The following TLN2 variants were observed in gnomAD, a reference collection of about 807,000 sequenced individuals.
TLN2 encodes talin-2.
TLN2 carries 118 observed loss-of-function variants against 294.7 expected under a neutral mutation model. The ratio of observed to expected loss-of-function variants is 0.40; its 90% CI spans 0.34 to 0.47. The LOEUF (loss-of-function observed/expected upper bound fraction) is 0.47. TLN2 is among the 20% of genes least tolerant of loss of function. The probability of loss-of-function intolerance (pLI) is 0.84; values close to 1 mark genes in which losing one functional copy is unlikely to be tolerated. For missense variants in TLN2, 3,083 were observed against 3,282.2 expected (o/e 0.94, Z 1.48); for synonymous variants, 1,431 against 1,304.5 (o/e 1.10, Z -2.09).
At chr15:62,547,543 G>A (rs935141270) in intron 1 of TLN2, among the ~76,000 whole-genome samples, 17 of 152,162 alleles carry the variant, frequency 1.1e-4, no homozygotes, top group Non-Finnish European at 2.1e-4. Context: ...AGAGTGCTCC[G>A]AAGGTATCTG....
rs142666961 is a variant in TLN2 at position 62,412,836 on chromosome 15, T to G, written c.-238+22151T>G. ...GGCTTGAAATAAGCGTCCGTGCACA[T>G]TTCTGAAAAGACAATTAGAAGCTTA... On this transcript the variant is annotated intron_variant, in intron 1 of 58. Transcript: ENST00000636159. 9.8e-5 allele frequency among the ~76,000 whole-genome samples: 15 copies of G among 152,330 alleles called. No homozygotes were observed. The East Asian group carries it at 2.9e-3, about 29-fold the overall frequency.
intron 52 of TLN2, among the ~76,000 whole-genome samples, chr15:62,817,157 A>C (rs926810870): frequency 6.6e-6 from 1 of 152,206 alleles, no homozygotes; most frequent in Admixed American, 6.5e-5. Flanking sequence ...ACCTATGCCT[A>C]ACTAAATTGC....
chr15:62,708,619 A>G lies in TLN2; in HGVS notation c.2290A>G (p.Ser764Gly), dbSNP rs1447975469. Residue 764 changes from serine (S) to glycine (G), a missense_variant, in exon 21 of 59, where the codon AGT becomes GGT. Physicochemically the swap from Ser to Gly is moderately conservative, Grantham distance 56. Coordinates refer to ENST00000636159, the MANE Select transcript of TLN2 (RefSeq NM_015059.3). ...TGCCTGCCAGGCGGCCACTACCGAT[A>G]GTGAGCTCCTGAAGCAGGTCAGCGC... is the stretch of plus-strand genomic sequence containing the variant. ...VRACQAATTD[S>G]ELLKQVSAAA... 3 of 1,614,186 alleles carry G rather than the reference A, an allele frequency of 1.9e-6. No individual in the cohort carries two copies. In the South Asian group the frequency reaches 3.3e-5, roughly 18 times the overall value.
chr15:62,642,468 G>A (rs777840864), intron 3 of TLN2, among the ~76,000 whole-genome samples: 3 of 152,182 alleles, frequency 2.0e-5, no homozygotes, highest in African/African-American at 4.8e-5. Flanking sequence ...AAGAGTAGAC[G>A]CCAGGACCAG....
At chr15:62,628,335 T>C (rs1413352253) in intron 3 of TLN2, among the ~76,000 whole-genome samples, 1 of 152,238 alleles carries the variant, frequency 6.6e-6, no homozygotes, top group Non-Finnish European at 1.5e-5. Flanking sequence ...GATTTCACGG[T>C]GTAGGCATCC....
At chr15:62,567,908 C>T (rs2044062) in intron 1 of TLN2, among the ~76,000 whole-genome samples, 75,078 of 151,818 alleles carry the variant, frequency 0.49, 20,070 homozygotes, top group Middle Eastern at 0.64. Flanking sequence ...TCATGAACTT[C>T]GGCCAGGCAT....
In TLN2 at chr15:62,408,104, A is replaced by T. The variant is rs2033531153; in HGVS notation, c.-238+17419A>T. On this transcript the variant is annotated intron_variant, in intron 1 of 58. Coordinates refer to ENST00000636159, the MANE Select transcript of TLN2 (RefSeq NM_015059.3). ...ACACCATGCTAATTGTCCCTCCGTT[A>T]GTGGAAAATAAATCTGGCTTGAACT... 2.6e-5 allele frequency among the ~76,000 whole-genome samples: 4 copies of T among 152,116 alleles called. No individual in the cohort carries two copies. In the South Asian group the frequency reaches 8.3e-4, roughly 32 times the overall value.
intron 41 of TLN2, among the ~76,000 whole-genome samples, chr15:62,769,884 G>T (rs2063244005): frequency 6.6e-6 from 1 of 152,232 alleles, no homozygotes; most frequent in African/African-American, 2.4e-5. Context: ...TCATGCCATT[G>T]TATTTTATCT....
intron 1 of TLN2, among the ~76,000 whole-genome samples, chr15:62,464,587 T>G (rs1026072216): frequency 1.3e-5 from 2 of 151,724 alleles, no homozygotes; most frequent in African/African-American, 4.8e-5. Flanking sequence ...AAAAAAAAAG[T>G]TAATCTGACA....
In TLN2 at chr15:62,638,171, T is replaced by G. The variant is rs189839507; in HGVS notation, c.-36-9104T>G. The G allele has an allele frequency of 2.7e-3, 461 of 168,526 alleles. 3 individuals are homozygous for G. Among genetic ancestry groups the G allele is most frequent in the Admixed American group, 4.2e-3 (72 of 17,308 alleles). 10.4% of individuals were successfully genotyped at this position (168,526 alleles called of 1,614,324 possible). A position where few individuals can be genotyped will look rare whatever the true frequency, so the allele number is the denominator to read the frequency against. ...CTCTCTTTCAGGCGGTCCTTTTTTCTTACTCCCCTGCTTACTGCCCTTTCT... is the reference window on the plus strand; with the variant it reads ...CTCTCTTTCAGGCGGTCCTTTTTTCGTACTCCCCTGCTTACTGCCCTTTCT... On this transcript the variant is annotated intron_variant, in intron 3 of 58. Coordinates refer to ENST00000636159, the MANE Select transcript of TLN2 (RefSeq NM_015059.3).
intron 25 of TLN2, 122 bp from the exon 26 acceptor site, chr15:62,722,231 A>T: frequency 8.6e-7 from 1 of 1,158,494 alleles, no homozygotes; most frequent in Non-Finnish European, 1.2e-6. Flanking sequence ...TGAGTTGTTT[A>T]ATATTCCTTT....
chr15:62,678,999 A>G (rs77348423), intron 11 of TLN2, among the ~76,000 whole-genome samples: 2,435 of 150,576 alleles, frequency 0.016, 66 homozygotes, highest in African/African-American at 0.056. Context: ...TGTAGCTATG[A>G]TTATTTATCC....
At chr15:62,560,237 G>A (rs758456520) in intron 1 of TLN2, among the ~76,000 whole-genome samples, 4 of 152,082 alleles carry the variant, frequency 2.6e-5, no homozygotes, top group East Asian at 1.9e-4. Flanking sequence ...CTAATACTCC[G>A]TGTTTTTTTG....
chr15:62,638,591 C>T, intron 3 of TLN2: 1 of 455,888 alleles, frequency 2.2e-6, no homozygotes, highest in Non-Finnish European at 4.4e-6. Context: ...GGGAAGGTCT[C>T]TTGACTTCAA....
At chr15:62,768,340 G>C (rs533961348) in intron 41 of TLN2, among the ~76,000 whole-genome samples, 2 of 152,202 alleles carry the variant, frequency 1.3e-5, no homozygotes, top group African/African-American at 4.8e-5. Context: ...TCTTCCTATG[G>C]CTCCTGGCAC....
intron 57 of TLN2, among the ~76,000 whole-genome samples, chr15:62,838,548 C>T (rs1279110277): frequency 1.3e-5 from 2 of 152,240 alleles, no homozygotes; most frequent in Admixed American, 1.3e-4. Context: ...TCTGTTAACA[C>T]ACACATCACA....
intron 3 of TLN2, among the ~76,000 whole-genome samples, chr15:62,636,018 G>C (rs559203412): frequency 6.6e-6 from 1 of 152,160 alleles, no homozygotes; most frequent in South Asian, 2.1e-4. Context: ...CTTAGCATGG[G>C]GTTATGTTGA....
chr15:62,449,407 A>G (rs2035982511), intron 1 of TLN2, among the ~76,000 whole-genome samples: 1 of 152,118 alleles, frequency 6.6e-6, no homozygotes, highest in African/African-American at 2.4e-5. Context: ...TAGTTGCTTC[A>G]TAGCCCAGTA....
chr15:62,730,435 C>T (rs2060660701), intron 28 of TLN2, among the ~76,000 whole-genome samples: 2 of 152,146 alleles, frequency 1.3e-5, no homozygotes, highest in Non-Finnish European at 2.9e-5. Context: ...CCCATAGTTG[C>T]CCTTTCCATC....
Sources: gnomAD v4.1 joint callset for allele counts (sites outside exome capture counted in the v4.1 genomes callset) on GRCh38, gnomAD v4.1.1 for gene constraint, MANE v1.5 for transcripts, NCBI Gene and HGNC (gene_info 2026-07-23, HGNC 2026-07-21) for gene names.